Variants in HS6ST3 observed in about 807,000 individuals in gnomAD.
The protein encoded by HS6ST3 is heparan-sulfate 6-O-sulfotransferase 3.
HS6ST3 carries 12 observed loss-of-function variants against 36.7 expected under a neutral mutation model. The observed-to-expected ratio is 0.33, with a 90% CI of 0.21 to 0.53. The LOEUF is 0.53. Among genes scored for constraint, HS6ST3 ranks in the 20% least tolerant of loss-of-function variants. The pLI, the probability that HS6ST3 is intolerant of heterozygous loss-of-function variation, is 0.95. For synonymous variants in HS6ST3, 240 were observed against 257.5 expected (o/e 0.93, Z 0.65); for missense variants, 584 against 640.9 (o/e 0.91, Z 0.96).
At chr13:96,310,057 A>G (rs1042241124) in intron 1 of HS6ST3, among the ~76,000 whole-genome samples, 4 of 152,132 alleles carry the variant, frequency 2.6e-5, no homozygotes, top group African/African-American at 9.7e-5. Context: ...GTCTTACAAG[A>G]TTTTATTTTC....
intron 1 of HS6ST3, among the ~76,000 whole-genome samples, chr13:96,394,964 G>A (rs907291445): frequency 2.6e-5 from 4 of 152,070 alleles, no homozygotes; most frequent in Non-Finnish European, 4.4e-5. Flanking sequence ...TAAGTGGTGA[G>A]GGTGGCTAAA....
At chr13:96,373,625 T>G (rs1360345254) in intron 1 of HS6ST3, among the ~76,000 whole-genome samples, 1 of 152,220 alleles carries the variant, frequency 6.6e-6, no homozygotes, top group Non-Finnish European at 1.5e-5. Context: ...CTGTTTAGAT[T>G]TTTTTCATGT....
In HS6ST3 at chr13:96,837,898, C is replaced by G. The variant is rs1030896420; in HGVS notation, c.*4700C>G. The G allele has an allele frequency of 3.9e-5, 6 of 151,980 alleles. No individual in the cohort carries two copies. The highest frequency in any genetic ancestry group is 3.9e-4 in the Admixed American group (6 of 15,272). The allele number at this position is 151,980 out of a possible 1,614,324, so 9.4% of individuals were successfully genotyped here. A position where few individuals can be genotyped will look rare whatever the true frequency, so the allele number is the denominator to read the frequency against. On this transcript the variant is annotated 3_prime_UTR_variant, in exon 2 of 2. Coordinates refer to ENST00000376705, the MANE Select transcript of HS6ST3 (RefSeq NM_153456.4). ...TTTTTAATGTCTTCTTCCCCAGGCT[C>G]CTGGTACTTTGTCAGCAACATACTG...
chr13:96,186,645 C>T (rs1049873167), intron 1 of HS6ST3, among the ~76,000 whole-genome samples: 1 of 152,048 alleles, frequency 6.6e-6, no homozygotes, highest in Non-Finnish European at 1.5e-5. Flanking sequence ...ATCAGGGTCA[C>T]CATTTTCTAT....
At chr13:96,152,710 C>T (rs975412387) in intron 1 of HS6ST3, among the ~76,000 whole-genome samples, 2 of 152,082 alleles carry the variant, frequency 1.3e-5, no homozygotes, top group African/African-American at 4.8e-5. Flanking sequence ...CATTCAATTT[C>T]TAAGGTGCAT....
At chr13:96,539,385 T>G (rs1278050220) in intron 1 of HS6ST3, among the ~76,000 whole-genome samples, 2 of 151,984 alleles carry the variant, frequency 1.3e-5, no homozygotes, top group South Asian at 2.1e-4. Flanking sequence ...AGATGGAGTC[T>G]CACACTGTTA....
chr13:96,284,919 C>CT (rs2054793896), intron 1 of HS6ST3, among the ~76,000 whole-genome samples: 3 of 67,066 alleles, frequency 4.5e-5, no homozygotes, highest in Non-Finnish European at 3.2e-5. Context: ...TGCTTTCTTT[C>CT]TTTCTTTCTT....
intron 1 of HS6ST3, among the ~76,000 whole-genome samples, chr13:96,583,050 A>G (rs1263063324): frequency 6.6e-6 from 1 of 151,904 alleles, no homozygotes; most frequent in Non-Finnish European, 1.5e-5. Context: ...ATTTCTCTAG[A>G]ACCCCAGCCA....
chr13:96,102,461 A>G lies in HS6ST3; in HGVS notation c.707+10892A>G, dbSNP rs1364471100. Reference sequence around the variant, plus strand: ...CGGGCCACTGCACTCCAGCCTGGGTAACAGAGTGAGACTCTGTCTCAAAAC... The same window carrying G: ...CGGGCCACTGCACTCCAGCCTGGGTGACAGAGTGAGACTCTGTCTCAAAAC... On this transcript the variant is annotated intron_variant, in intron 1 of 1. Transcript: ENST00000376705. Among the ~76,000 whole-genome samples, 4 of 152,110 alleles carry G rather than the reference A, an allele frequency of 2.6e-5. No homozygotes were observed. In the East Asian group the frequency reaches 7.7e-4, roughly 29 times the overall value.
chr13:96,709,687 T>G (rs1875515222), intron 1 of HS6ST3, among the ~76,000 whole-genome samples: 1 of 152,148 alleles, frequency 6.6e-6, no homozygotes, highest in Non-Finnish European at 1.5e-5. Flanking sequence ...ACCATGCTGG[T>G]GCCCTGATCC....
At chr13:96,769,882 C>G (rs577416452) in intron 1 of HS6ST3, among the ~76,000 whole-genome samples, 108 of 152,062 alleles carry the variant, frequency 7.1e-4, no homozygotes, top group African/African-American at 2.4e-3. Context: ...GTTAATCATG[C>G]CAGCAATTTA....
chr13:96,242,315 C>T (rs1446094805), intron 1 of HS6ST3, among the ~76,000 whole-genome samples: 1 of 151,864 alleles, frequency 6.6e-6, no homozygotes, highest in Non-Finnish European at 1.5e-5. Flanking sequence ...GCCTTGACCT[C>T]CCGGGTCCAG....
At position 96,613,470 on chromosome 13, in the gene HS6ST3, A is replaced by G. The variant is rs114547700; in HGVS notation, c.708-219020A>G. On this transcript the variant is annotated intron_variant, in intron 1 of 1. Transcript: ENST00000376705. ...GGGACTCAGTTTCGTTCACTGCTTC[A>G]CTACTTGCGTGGCACTGAGAATGTG... 5.7e-3 allele frequency among the ~76,000 whole-genome samples: 863 copies of G among 152,314 alleles called. 5 individuals carry two copies. Among genetic ancestry groups the G allele is most frequent in the African/African-American group, 0.02 (815 of 41,574 alleles).
chr13:96,228,913 G>A (rs1157134483), intron 1 of HS6ST3, among the ~76,000 whole-genome samples: 2 of 152,200 alleles, frequency 1.3e-5, no homozygotes. Context: ...AGCAAGCATT[G>A]CACAGAGGAA....
chr13:96,789,227 C>A (rs1418437339), intron 1 of HS6ST3, among the ~76,000 whole-genome samples: 1 of 151,688 alleles, frequency 6.6e-6, no homozygotes, highest in African/African-American at 2.4e-5. Context: ...AGATACTTAA[C>A]TTTTTATAGT....
intron 1 of HS6ST3, among the ~76,000 whole-genome samples, chr13:96,762,946 T>G (rs1423296592): frequency 1.3e-5 from 2 of 152,210 alleles, no homozygotes; most frequent in Non-Finnish European, 2.9e-5. Context: ...TCCTTAAATT[T>G]CAGGAGCAAT....
At chr13:96,748,646 A>G (rs1594851156) in intron 1 of HS6ST3, among the ~76,000 whole-genome samples, 1 of 151,994 alleles carries the variant, frequency 6.6e-6, no homozygotes, top group Non-Finnish European at 1.5e-5. Context: ...TACAATGTAA[A>G]TGTTCAAGCT....
intron 1 of HS6ST3, among the ~76,000 whole-genome samples, chr13:96,820,526 G>A (rs1180361994): frequency 1.3e-5 from 2 of 152,118 alleles, no homozygotes; most frequent in South Asian, 2.1e-4. Context: ...AGCTACTGCC[G>A]GGCCCTTTAT....
intron 1 of HS6ST3, among the ~76,000 whole-genome samples, chr13:96,325,412 C>A (rs140743748): frequency 1.2e-4 from 18 of 152,098 alleles, no homozygotes; most frequent in Non-Finnish European, 1.3e-4. Context: ...CAAAAATATT[C>A]TTTAATAAAC....
Sources: allele counts gnomAD v4.1 joint callset (sites outside exome capture counted in the v4.1 genomes callset), GRCh38; gene constraint gnomAD v4.1.1; transcripts MANE v1.5; gene names NCBI Gene and HGNC (gene_info 2026-07-23, HGNC 2026-07-21).